LAMA4: variants seen among roughly 807,000 people sequenced by gnomAD.
The protein encoded by LAMA4 is laminin subunit alpha 4, also known as laminin subunit alpha-4.
Under a neutral mutation model 207.1 loss-of-function variants are expected in LAMA4, and 127 were observed. The ratio of observed to expected loss-of-function variants is 0.61; its 90% CI spans 0.53 to 0.71. The LOEUF (loss-of-function observed/expected upper bound fraction) is 0.71. Among genes scored for constraint, LAMA4 ranks in the 30% least tolerant of loss-of-function variants. The pLI is 0.00. For missense variants in LAMA4, 2,093 were observed against 2,246.5 expected (o/e 0.93, Z 1.38); for synonymous variants, 761 against 816.0 (o/e 0.93, Z 1.15).
chr6:112,235,338 A>T (rs781869957), intron 2 of LAMA4, among the ~76,000 whole-genome samples: 5 of 152,188 alleles, frequency 3.3e-5, no homozygotes, highest in Non-Finnish European at 7.3e-5. Context: ...TTTTGCTGTT[A>T]GAAGACTAGG....
intron 12 of LAMA4, among the ~76,000 whole-genome samples, chr6:112,168,440 G>A (rs140407655): frequency 6.7e-6 from 1 of 148,682 alleles, no homozygotes; most frequent in African/African-American, 2.5e-5. Context: ...CTGCCTCCCG[G>A]ACTCAAGCAA....
At chr6:112,177,806 C>A (rs1782112443) in intron 10 of LAMA4, among the ~76,000 whole-genome samples, 1 of 152,194 alleles carries the variant, frequency 6.6e-6, no homozygotes, top group African/African-American at 2.4e-5. Flanking sequence ...GTGACTCCTA[C>A]TCAACTCTTG....
intron 2 of LAMA4, among the ~76,000 whole-genome samples, chr6:112,246,763 AC>A (rs1407920264): frequency 2.0e-5 from 3 of 151,914 alleles, no homozygotes; most frequent in Non-Finnish European, 4.4e-5. Context: ...TTTGTGATCC[AC>A]CCATCTTGGC....
rs1192131548 is a variant in LAMA4, at chr6:112,252,987, A to G, written c.195+969T>C. Among the ~76,000 whole-genome samples the G allele has an allele frequency of 2.0e-5, 3 of 152,236 alleles. No individual in the cohort carries two copies. In the South Asian group the frequency reaches 6.2e-4, roughly 32 times the overall value. ...TTTTAATCATCAATAATTAATAACT[A>G]TAATTGTACTAACAATTAACAGAAT... is the stretch of plus-strand genomic sequence containing the variant. On this transcript the variant is annotated intron_variant, in intron 2 of 38. Coordinates refer to ENST00000230538, the MANE Select transcript of LAMA4 (RefSeq NM_001105206.3).
At chr6:112,182,191 A>C (rs1384237589) in intron 9 of LAMA4, among the ~76,000 whole-genome samples, 1 of 152,170 alleles carries the variant, frequency 6.6e-6, no homozygotes, top group African/African-American at 2.4e-5. Context: ...GTTATCCCTC[A>C]GCATCCATGG....
chr6:112,124,790 CTT>C (rs1778586493), intron 31 of LAMA4, among the ~76,000 whole-genome samples: 1 of 144,224 alleles, frequency 6.9e-6, no homozygotes, highest in African/African-American at 2.6e-5. Context: ...CAGTTTTGCT[CTT>C]GTTGCCCAGG....
chr6:112,135,464 T>C (rs1315394004), intron 25 of LAMA4, among the ~76,000 whole-genome samples: 6 of 152,214 alleles, frequency 3.9e-5, no homozygotes, highest in African/African-American at 1.4e-4. Flanking sequence ...CTCATGAGGC[T>C]ATGGACTTTG....
At position 112,117,784 on chromosome 6, in the gene LAMA4, C is replaced by T; in HGVS notation, c.4936G>A (p.Glu1646Lys). The T allele has an allele frequency of 1.2e-6, 2 of 1,613,792 alleles. No homozygotes were observed. The highest frequency in any genetic ancestry group is 1.7e-6 in the Non-Finnish European group (2 of 1,179,782). Residue 1646 changes from glutamate (E) to lysine (K), a missense_variant, in exon 35 of 39, where the codon GAA (glutamate) becomes AAA (lysine). Glu to Lys is a moderately conservative substitution (Grantham distance 56). This residue lies in a region of LAMA4 where 383 missense variants were observed against 437.8 expected (regional missense o/e 0.87). Transcript: ENST00000230538. This position sits in a 1 kb window ranked among gnomAD's most constrained non-coding sequence, Gnocchi z 4.5. Reference sequence around the variant, plus strand: ...TCTGTTGAAAAGTAAGTTCCTGTTTCCATGGGGCCTTCAAAGCAAGGGGTC... The same window carrying T: ...TCTGTTGAAAAGTAAGTTCCTGTTTTCATGGGGCCTTCAAAGCAAGGGGTC... ...SVTPCFEGPMETGTYFSTEGG... is the reference protein window; with the variant it reads ...SVTPCFEGPMKTGTYFSTEGG...
chr6:112,114,119 T>C lies in LAMA4; in HGVS notation c.5283A>G (p.Lys1761=). The C allele has an allele frequency of 6.2e-7, 1 of 1,613,958 alleles. No individual in the cohort carries two copies. Among genetic ancestry groups the C allele is most frequent in the South Asian group, 1.1e-5 (1 of 91,068 alleles). The change falls in exon 38 of 39, where the codon AAA becomes AAG. Residue 1761 remains lysine, a synonymous_variant. Coordinates refer to ENST00000230538, the MANE Select transcript of LAMA4 (RefSeq NM_001105206.3). ...VNHVVGPLNP[K]PIDHREPVFV... is the part of the protein sequence containing the mutation. ...ACACAGGCTCCCTGTGATCAATTGG[T>C]TTTGGATTCAGGGGTCCAACCACAT...
At position 112,168,492 on chromosome 6, in the gene LAMA4, C is replaced by CA. The variant is rs1554340800; in HGVS notation, c.1552-3217_1552-3216insT. 3.3e-5 allele frequency among the ~76,000 whole-genome samples: 5 copies of CA among 151,894 alleles called. No individual in the cohort carries two copies. The East Asian group carries it at 9.9e-4, about 30-fold the overall frequency. On this transcript the variant is annotated intron_variant, in intron 12 of 38. Transcript: ENST00000230538. ...TCCCAAGTAGCTGGTATTACAGGTG[C>CA]CCACCACCATGCCCAGCTAATTTTT...
intron 5 of LAMA4, among the ~76,000 whole-genome samples, chr6:112,198,248 G>C (rs781951022): frequency 2.0e-5 from 3 of 152,100 alleles, no homozygotes; most frequent in African/African-American, 7.2e-5. Context: ...AGTTTTCCTG[G>C]AGACAGTTGG....
At chr6:112,188,000 A>G (rs1194665956) in intron 7 of LAMA4, among the ~76,000 whole-genome samples, 2 of 152,146 alleles carry the variant, frequency 1.3e-5, no homozygotes, top group African/African-American at 4.8e-5. Flanking sequence ...ACGTGGGCAC[A>G]TGGGGAGGCA....
At chr6:112,156,082 A>G (rs3798361) in intron 14 of LAMA4, among the ~76,000 whole-genome samples, 2,582 of 152,284 alleles carry the variant, frequency 0.017, 65 homozygotes, top group East Asian at 0.076. Context: ...TCCTTTCTGT[A>G]GAGGAAGCCA....
At chr6:112,248,831 A>G (rs1554189148) in intron 2 of LAMA4, among the ~76,000 whole-genome samples, 1 of 152,194 alleles carries the variant, frequency 6.6e-6, no homozygotes, top group Non-Finnish European at 1.5e-5. Context: ...TCTATCAGGA[A>G]GACTCCCTGG....
intron 12 of LAMA4, 64 bp downstream of exon 12, chr6:112,172,547 C>T: frequency 6.8e-7 from 1 of 1,462,054 alleles, no homozygotes; most frequent in Non-Finnish European, 9.6e-7. Context: ...TATCAACAGC[C>T]CCTTCTTGGT....
chr6:112,239,394 C>T (rs1206476200), intron 2 of LAMA4, among the ~76,000 whole-genome samples: 2 of 150,688 alleles, frequency 1.3e-5, no homozygotes, highest in African/African-American at 2.4e-5. Context: ...CCTTAAGCCA[C>T]TCAGTCTGGA....
At chr6:112,182,891 G>A (rs369744146) in intron 9 of LAMA4, among the ~76,000 whole-genome samples, 9 of 152,292 alleles carry the variant, frequency 5.9e-5, no homozygotes, top group African/African-American at 2.2e-4. Context: ...CAGCACCAAA[G>A]GGAGCATCTT....
Position 112,148,213 on chromosome 6 carries a change from A to C in LAMA4, c.2297T>G (p.Leu766Arg), listed in dbSNP as rs1224444401. The C allele has an allele frequency of 1.2e-6, 2 of 1,614,074 alleles. No individual in the cohort carries two copies. The highest frequency in any genetic ancestry group is 1.7e-6 in the Non-Finnish European group (2 of 1,180,014). Residue 766 changes from leucine to arginine, a missense_variant, in exon 18 of 39, where the codon CTT (leucine) becomes CGT (arginine). Leu to Arg is a moderately radical substitution (Grantham distance 102). Transcript: ENST00000230538. The stretch of plus-strand genomic sequence containing the variant: ...GTAAGCAGAAGAGTCAAAATGTTGA[A>C]GATTCTGTGACCAGTTGGTTAGATT... ...ANNLTNWSQN[L>R]QHFDSSAYNT...
chr6:112,204,647 C>T (rs1379960081), intron 4 of LAMA4, among the ~76,000 whole-genome samples: 2 of 150,308 alleles, frequency 1.3e-5, no homozygotes, highest in African/African-American at 2.5e-5. Flanking sequence ...TCTCACCAGA[C>T]GTGATTAAAA....
Sources: gnomAD v4.1 joint callset for allele counts (sites outside exome capture counted in the v4.1 genomes callset) on GRCh38, gnomAD v4.1.1 for gene constraint, gnomAD v4.1.1 regional missense constraint, Gnocchi (gnomAD v3.1) non-coding constraint, MANE v1.5 for transcripts, NCBI Gene and HGNC (gene_info 2026-07-23, HGNC 2026-07-21) for gene names.